The following MCPH1 variants were observed in gnomAD, a reference collection of about 807,000 sequenced individuals.
The protein encoded by MCPH1 is microcephalin.
Under a neutral mutation model 84.5 loss-of-function variants are expected in MCPH1, and 104 were observed. The ratio of observed to expected loss-of-function variants is 1.23; its 90% confidence interval spans 1.05 to 1.45. The LOEUF is 1.45. Ranked by LOEUF, MCPH1 falls within the 40% of genes most tolerant of loss-of-function variation. MCPH1 has a pLI of 0.00. For missense variants in MCPH1, 1,498 were observed against 1,005.7 expected, an observed-to-expected ratio of 1.49 and a Z score of -6.62; for synonymous variants, 514 against 366.8, an observed-to-expected ratio of 1.40 and a Z score of -4.58.
rs2922854 is a variant in MCPH1 at position 6,595,925 on chromosome 8, C to T, written c.2215-25529C>T. ...GTTTTCAGTTTACAAAAAGGGAAGA[C>T]GATTAATCCCCAAAAAGGAGCCTGT... On this transcript the variant is annotated intron_variant, in intron 12 of 13. Transcript: ENST00000344683. 0.03 allele frequency among the ~76,000 whole-genome samples: 4,536 copies of T among 152,176 alleles called. 403 individuals carry two copies. In the East Asian group the frequency reaches 0.34, roughly 12 times the overall value.
At chr8:6,462,413 T>C (rs1806389013) in intron 9 of MCPH1, among the ~76,000 whole-genome samples, 1 of 152,248 alleles carries the variant, frequency 6.6e-6, no homozygotes, top group Non-Finnish European at 1.5e-5. Flanking sequence ...ATGCATTAAT[T>C]TCCCTTTTAC....
intron 13 of MCPH1, chr8:6,625,747 G>T: frequency 3.1e-6 from 3 of 976,990 alleles, no homozygotes; most frequent in Non-Finnish European, 3.6e-6. Context: ...TCCCACCACT[G>T]TACTCCAGCC....
At chr8:6,604,965 A>G (rs181256987) in intron 12 of MCPH1, among the ~76,000 whole-genome samples, 256 of 152,390 alleles carry the variant, frequency 1.7e-3, no homozygotes, top group African/African-American at 6.1e-3. Context: ...TCAAAAGGAA[A>G]GAAAATTAGG....
In MCPH1 at chr8:6,638,535, C is replaced by T. The variant is rs145497824; in HGVS notation, c.2453-4459C>T. Among the ~76,000 whole-genome samples the T allele has an allele frequency of 2.9e-3, 431 of 150,350 alleles. 8 individuals are homozygous for T. Among genetic ancestry groups the T allele is most frequent in the African/African-American group, 0.01 (418 of 40,804 alleles). On this transcript the variant is annotated intron_variant, in intron 13 of 13. Coordinates refer to ENST00000344683, the MANE Select transcript of MCPH1 (RefSeq NM_024596.5). ...CATGGCTAGTAAACTTTAGCTTGTGCGTAAATGCCTGCCAAGACCTGCTAA... is the reference window on the plus strand; with the variant it reads ...CATGGCTAGTAAACTTTAGCTTGTGTGTAAATGCCTGCCAAGACCTGCTAA...
At chr8:6,636,604 G>C (rs536791796) in intron 13 of MCPH1, among the ~76,000 whole-genome samples, 2 of 152,128 alleles carry the variant, frequency 1.3e-5, no homozygotes, top group Admixed American at 6.5e-5. Context: ...CTCAGCCTCC[G>C]TTGTAGCTGG....
chr8:6,509,079 A>T (rs768835261), intron 12 of MCPH1: 7 of 1,609,508 alleles, frequency 4.3e-6, no homozygotes, highest in South Asian at 3.3e-5. Flanking sequence ...GCGTGCAAAG[A>T]AAAAAAACAC....
At chr8:6,572,967 C>A (rs73661410) in intron 12 of MCPH1, among the ~76,000 whole-genome samples, 9,827 of 152,260 alleles carry the variant, frequency 0.065, 880 homozygotes, top group African/African-American at 0.2. Context: ...GCCCTTTCTC[C>A]CTCCCTGAAG....
At chr8:6,517,126 A>T (rs1386012765) in intron 12 of MCPH1, among the ~76,000 whole-genome samples, 1 of 152,234 alleles carries the variant, frequency 6.6e-6, no homozygotes, top group East Asian at 1.9e-4. Context: ...ATACTGAGTA[A>T]AAGTGCTGAA....
intron 12 of MCPH1, among the ~76,000 whole-genome samples, chr8:6,606,565 G>A (rs1415290920): frequency 2.0e-5 from 3 of 152,236 alleles, no homozygotes; most frequent in East Asian, 3.8e-4. Context: ...AGGATGTGCT[G>A]CTTCCTGCCC....
intron 1 of MCPH1, 38 bp downstream of exon 1, chr8:6,406,727 T>A: frequency 6.2e-7 from 1 of 1,609,050 alleles, no homozygotes; most frequent in Non-Finnish European, 8.5e-7. Flanking sequence ...GCAGCGGGAG[T>A]TTGAGGACCG....
chr8:6,599,089 C>T (rs974709008), intron 12 of MCPH1, among the ~76,000 whole-genome samples: 2 of 152,188 alleles, frequency 1.3e-5, no homozygotes, highest in Non-Finnish European at 2.9e-5. Flanking sequence ...ATCCGAGGCG[C>T]GCCTGGGAAG....
At chr8:6,600,404 G>T (rs1182093885) in intron 12 of MCPH1, among the ~76,000 whole-genome samples, 1 of 152,240 alleles carries the variant, frequency 6.6e-6, no homozygotes, top group Admixed American at 6.5e-5. Context: ...TCCTGTGGGA[G>T]TGACAGTGTC....
chr8:6,609,386 G>A (rs368466106), intron 12 of MCPH1, among the ~76,000 whole-genome samples: 71 of 152,254 alleles, frequency 4.7e-4, no homozygotes, highest in African/African-American at 1.7e-3. Flanking sequence ...ATGAAATCCA[G>A]ATTTATGACT....
At chr8:6,537,639 T>C (rs957981302) in intron 12 of MCPH1, among the ~76,000 whole-genome samples, 1 of 152,014 alleles carries the variant, frequency 6.6e-6, no homozygotes, top group Non-Finnish European at 1.5e-5. Flanking sequence ...TTTTGAATGA[T>C]CAAATTTGAC....
At chr8:6,521,093 T>C (rs1817246752) in intron 12 of MCPH1, 1 of 1,065,990 alleles carries the variant, frequency 9.4e-7, no homozygotes, top group East Asian at 2.4e-5. Context: ...GCGCCTTTTC[T>C]GAAAGGTGAG....
intron 12 of MCPH1, among the ~76,000 whole-genome samples, chr8:6,558,117 A>G (rs1824947898): frequency 6.6e-6 from 1 of 152,024 alleles, no homozygotes; most frequent in African/African-American, 2.4e-5. Context: ...TCGTCATGTC[A>G]TTTTTGGGCC....
chr8:6,508,461 G>T (rs1453836892), intron 12 of MCPH1: 1 of 178,682 alleles, frequency 5.6e-6, no homozygotes, highest in East Asian at 1.7e-4. Context: ...ATAAACAACT[G>T]GAGACTGTGT....
intron 12 of MCPH1, among the ~76,000 whole-genome samples, chr8:6,542,660 A>C (rs1158348492): frequency 6.6e-6 from 1 of 151,314 alleles, no homozygotes; most frequent in African/African-American, 2.4e-5. Context: ...TTTTGAAATG[A>C]AGTATAAAGA....
intron 12 of MCPH1, among the ~76,000 whole-genome samples, chr8:6,529,461 T>A (rs1441915405): frequency 6.6e-6 from 1 of 151,322 alleles, no homozygotes; most frequent in African/African-American, 2.4e-5. Flanking sequence ...TTCTTTTTTT[T>A]TTTTTTTTGA....
Sources: gnomAD v4.1 joint callset for allele counts (sites outside exome capture counted in the v4.1 genomes callset) on GRCh38, gnomAD v4.1.1 for gene constraint, MANE v1.5 for transcripts, NCBI Gene and HGNC (gene_info 2026-07-23, HGNC 2026-07-21) for gene names.